COL26A1: variants seen among roughly 807,000 people sequenced by gnomAD.
COL26A1 encodes the protein collagen alpha-1(XXVI) chain.
Under a neutral mutation model 59.3 loss-of-function variants are expected in COL26A1, and 41 were observed. The observed-to-expected ratio is 0.69, with a 90% confidence interval of 0.54 to 0.90. The LOEUF (loss-of-function observed/expected upper bound fraction) is 0.90. Ranked by LOEUF, COL26A1 falls within the 40% of genes least tolerant of loss-of-function variation. The pLI is 0.00. For missense variants in COL26A1, 612 were observed against 602.3 expected, an observed-to-expected ratio of 1.02 and a Z score of -0.17; for synonymous variants, 266 against 256.0, an observed-to-expected ratio of 1.04 and a Z score of -0.37.
Position 101,557,491 on chromosome 7 carries a change from T to A in COL26A1, c.1287T>A (p.Pro429=). The A allele has an allele frequency of 6.2e-7, 1 of 1,613,562 alleles. No individual in the cohort carries two copies. The highest frequency in any genetic ancestry group is 8.5e-7 in the Non-Finnish European group (1 of 1,179,672). ...GVLAALLGPD[P]GQKSVDQASS... ...TTGCTGCCCTGCTTGGGCCCGACCC[T>A]GGACAGAAGAGCGTGGACCAGGCCA... The change falls in exon 13 of 13, where the codon CCT becomes CCA. Residue 429 remains proline, a synonymous_variant. Transcript: ENST00000313669.
intron 3 of COL26A1, among the ~76,000 whole-genome samples, chr7:101,521,897 C>T (rs1037070255): frequency 1.3e-5 from 2 of 152,048 alleles, no homozygotes; most frequent in Admixed American, 1.3e-4. Context: ...TGAGTCTGTC[C>T]GCCTTCACCT....
chr7:101,407,812 A>C (rs560456985), intron 1 of COL26A1, among the ~76,000 whole-genome samples: 1 of 152,200 alleles, frequency 6.6e-6, no homozygotes, highest in South Asian at 2.1e-4. Flanking sequence ...ATAACCCAGC[A>C]GTTAGCACCC....
intron 3 of COL26A1, among the ~76,000 whole-genome samples, chr7:101,522,525 T>C (rs1254950621): frequency 6.6e-6 from 1 of 152,198 alleles, no homozygotes; most frequent in African/African-American, 2.4e-5. Context: ...CCAGCAACTA[T>C]TTCCCATTTC....
Position 101,555,769 on chromosome 7 carries a change from C to T in COL26A1, c.1081-18C>T. 1 of 1,598,644 alleles carries T rather than the reference C, an allele frequency of 6.3e-7. No homozygotes were observed. The highest frequency in any genetic ancestry group is 1.1e-5 in the South Asian group (1 of 87,948). ...TCCTCATGGCCGGCCCTGACCCTGC[C>T]TGTTTCCTCCCCGCCAGGGCGAGGG... On this transcript the variant is annotated intron_variant, in intron 11 of 12. Coordinates refer to ENST00000313669, the MANE Select transcript of COL26A1 (RefSeq NM_001278563.3).
At chr7:101,530,447 A>G (rs952829233) in intron 3 of COL26A1, among the ~76,000 whole-genome samples, 4 of 151,420 alleles carry the variant, frequency 2.6e-5, no homozygotes, top group African/African-American at 9.8e-5. Flanking sequence ...GCGTGCCTGT[A>G]ATCCTAGCTA....
chr7:101,527,694 G>A lies in COL26A1; in HGVS notation c.386-5388G>A, dbSNP rs370010049. On this transcript the variant is annotated intron_variant, in intron 3 of 12. Coordinates refer to ENST00000313669, the MANE Select transcript of COL26A1 (RefSeq NM_001278563.3). ...AAACACAGACTAGTTTGCCTGGTACGTTGACACTTCCAACATACACCTATT... is the reference window on the plus strand; with the variant it reads ...AAACACAGACTAGTTTGCCTGGTACATTGACACTTCCAACATACACCTATT... Among the ~76,000 whole-genome samples the A allele has an allele frequency of 5.3e-5, 8 of 152,142 alleles. No homozygotes were observed. The East Asian group carries it at 5.8e-4, about 11-fold the overall frequency.
intron 3 of COL26A1, among the ~76,000 whole-genome samples, chr7:101,454,574 G>T (rs1157615667): frequency 6.6e-6 from 1 of 151,972 alleles, no homozygotes; most frequent in Admixed American, 6.6e-5. Context: ...TCCTTTTCAA[G>T]GTCTGTTTAG....
chr7:101,523,280 G>C (rs1022333531), intron 3 of COL26A1, among the ~76,000 whole-genome samples: 7 of 152,030 alleles, frequency 4.6e-5, no homozygotes, highest in South Asian at 2.1e-4. Flanking sequence ...TGTTGGCCAG[G>C]CTGGTCTCAA....
chr7:101,469,707 C>T (rs1331897715), intron 3 of COL26A1, among the ~76,000 whole-genome samples: 1 of 152,046 alleles, frequency 6.6e-6, no homozygotes, highest in Admixed American at 6.6e-5. Context: ...CCAGGTTGGT[C>T]TCGAACTCCT....
chr7:101,515,476 G>T (rs557851738), intron 3 of COL26A1, among the ~76,000 whole-genome samples: 1 of 152,154 alleles, frequency 6.6e-6, no homozygotes, highest in South Asian at 2.1e-4. Flanking sequence ...TAGAGACAGG[G>T]TTTTGCCATG....
At chr7:101,480,682 T>G (rs1440590912) in intron 3 of COL26A1, among the ~76,000 whole-genome samples, 2 of 152,086 alleles carry the variant, frequency 1.3e-5, no homozygotes, top group East Asian at 3.9e-4. Context: ...GGGGTATTTT[T>G]TGTAAAGACA....
intron 4 of COL26A1, among the ~76,000 whole-genome samples, chr7:101,535,583 A>G (rs1470902676): frequency 6.6e-6 from 1 of 152,196 alleles, no homozygotes; most frequent in African/African-American, 2.4e-5. Flanking sequence ...CTCCAGCAGC[A>G]GGCCCGGGGC....
At chr7:101,362,750 C>T, upstream of COL26A1, 1 of 486,304 alleles carries the variant, frequency 2.1e-6, no homozygotes, top group East Asian at 4.1e-5. Flanking sequence ...CACCCTAGCT[C>T]TGCCGCCACT....
chr7:101,396,561 C>T (rs1791859767), intron 1 of COL26A1, among the ~76,000 whole-genome samples: 1 of 152,020 alleles, frequency 6.6e-6, no homozygotes, highest in Admixed American at 6.6e-5. Flanking sequence ...CTCCCGGGTT[C>T]AAGCAATTCT....
At chr7:101,441,492 G>T (rs547808634) in intron 2 of COL26A1, among the ~76,000 whole-genome samples, 1 of 152,050 alleles carries the variant, frequency 6.6e-6, no homozygotes, top group Non-Finnish European at 1.5e-5. Flanking sequence ...TTGTGTGTGT[G>T]TTTTTAGTAG....
intron 1 of COL26A1, among the ~76,000 whole-genome samples, chr7:101,407,125 C>A (rs916017246): frequency 2.0e-5 from 3 of 152,112 alleles, no homozygotes; most frequent in African/African-American, 4.8e-5. Flanking sequence ...CCACTGTGGG[C>A]AGCCCATTGC....
intron 1 of COL26A1, among the ~76,000 whole-genome samples, chr7:101,383,122 CAG>C (rs1431457530): frequency 6.6e-6 from 1 of 150,934 alleles, no homozygotes; most frequent in Non-Finnish European, 1.5e-5. Flanking sequence ...TCCATTGACT[CAG>C]AGTTTTTTAG....
intron 9 of COL26A1, among the ~76,000 whole-genome samples, chr7:101,550,156 A>G (rs1199567921): frequency 2.0e-5 from 3 of 152,158 alleles, no homozygotes; most frequent in Non-Finnish European, 2.9e-5. Context: ...TCTTATTTAC[A>G]TCTTTAAAAA....
chr7:101,369,268 A>T (rs966511974), intron 1 of COL26A1, among the ~76,000 whole-genome samples: 3 of 151,742 alleles, frequency 2.0e-5, no homozygotes, highest in Non-Finnish European at 4.4e-5. Context: ...TTAGCTGGGC[A>T]TGGTGGCGCA....
Sources: gnomAD v4.1 joint callset for allele counts (sites outside exome capture counted in the v4.1 genomes callset) on GRCh38, gnomAD v4.1.1 for gene constraint, MANE v1.5 for transcripts, NCBI Gene and HGNC (gene_info 2026-07-23, HGNC 2026-07-21) for gene names.